The following NIPBL variants were observed in gnomAD, a reference collection of about 807,000 sequenced individuals.
NIPBL encodes the protein NIPBL cohesin loading factor, also known as nipped-B-like protein.
NIPBL carries 19 observed loss-of-function variants against 321.8 expected under a neutral mutation model. That is an observed-to-expected ratio of 0.06 (90% CI 0.04 to 0.09). The LOEUF is 0.09. Among genes scored for constraint, NIPBL ranks in the 10% least tolerant of loss-of-function variants. The pLI, the probability that NIPBL is intolerant of heterozygous loss-of-function variation, is 1.00. For synonymous variants in NIPBL, 1,106 were observed against 1,114.1 expected (o/e 0.99, Z 0.14); for missense variants, 2,210 against 3,327.0 (o/e 0.66, Z 8.26).
chr5:37,000,941 T>G (rs747555636), intron 13 of NIPBL, 48 bp from the exon 14 acceptor site: 2 of 1,583,456 alleles, frequency 1.3e-6, no homozygotes, highest in East Asian at 4.5e-5. Context: ...CAGCTTCACA[T>G]GTCTACTTGT....
chr5:36,945,257 A>G (rs1367402792), intron 1 of NIPBL, among the ~76,000 whole-genome samples: 1 of 152,144 alleles, frequency 6.6e-6, no homozygotes, highest in Non-Finnish European at 1.5e-5. Context: ...TGGTACAATT[A>G]AACTTTGCAT....
At chr5:36,963,800 T>TA (rs1274221212) in intron 6 of NIPBL, among the ~76,000 whole-genome samples, 1 of 152,000 alleles carries the variant, frequency 6.6e-6, no homozygotes, top group Non-Finnish European at 1.5e-5. Context: ...AGAAAAGAAA[T>TA]AGACACTTAG....
rs1380148955 is a variant in NIPBL, at chr5:37,065,152, A to C, written c.*260A>C. ...AAATTGTTTATATCTTGGAAAAAAA[A>C]CTTTCTGTTTAAAAAAAATAAACAA... On this transcript the variant is annotated 3_prime_UTR_variant, in exon 47 of 47. Coordinates refer to ENST00000282516, the MANE Select transcript of NIPBL (RefSeq NM_133433.4). 1 of 478,324 alleles carries C rather than the reference A, an allele frequency of 2.1e-6. No individual in the cohort carries two copies. Among genetic ancestry groups the C allele is most frequent in the African/African-American group, 2.0e-5 (1 of 50,864 alleles). The allele number at this position is 478,324 out of a possible 1,614,324, so 29.6% of individuals were successfully genotyped here.
At chr5:36,977,599 T>A (rs147180956) in intron 9 of NIPBL, among the ~76,000 whole-genome samples, 4 of 151,132 alleles carry the variant, frequency 2.6e-5, no homozygotes, top group African/African-American at 9.7e-5. Context: ...TTTTTTTCTT[T>A]GTCTTTTTTT....
At chr5:36,929,731 A>G (rs544476628) in intron 1 of NIPBL, among the ~76,000 whole-genome samples, 179 of 152,154 alleles carry the variant, frequency 1.2e-3, no homozygotes, top group Non-Finnish European at 2.3e-3. Flanking sequence ...TAGGTATTTG[A>G]TCCATTTGAA....
chr5:36,987,624 G>A (rs552209115), intron 10 of NIPBL, among the ~76,000 whole-genome samples: 4 of 152,188 alleles, frequency 2.6e-5, no homozygotes, highest in Admixed American at 2.6e-4. Flanking sequence ...CTTGGTCTTC[G>A]TCAACATTCA....
chr5:36,973,927 G>A (rs531093929), intron 8 of NIPBL, among the ~76,000 whole-genome samples: 20 of 152,240 alleles, frequency 1.3e-4, no homozygotes, highest in South Asian at 4.1e-4. Flanking sequence ...GAGAACCTGC[G>A]GTGTTTGGTT....
intron 43 of NIPBL, among the ~76,000 whole-genome samples, chr5:37,057,853 G>A (rs1223552453): frequency 1.3e-5 from 2 of 152,134 alleles, no homozygotes; most frequent in Non-Finnish European, 2.9e-5. Flanking sequence ...ACTTTTAGGA[G>A]GAATGTAATT....
Position 36,971,027 on chromosome 5 carries a change from A to G in NIPBL, c.762A>G (p.Leu254=). The stretch of plus-strand genomic sequence containing the variant: ...ACTACCTACACATGGTGCACAGGCT[A>G]AGTAGTGACGTATGTAATATATTAT... The part of the protein sequence containing the change: ...SEDYLHMVHR[L]SSDDGDSSTM... The change falls in exon 7 of 47, where the codon CTA becomes CTG. Residue 254 remains leucine, a synonymous_variant. Transcript: ENST00000282516. 1 of 1,611,924 alleles carries G rather than the reference A, an allele frequency of 6.2e-7. No individual in the cohort carries two copies. The highest frequency in any genetic ancestry group is 8.5e-7 in the Non-Finnish European group (1 of 1,178,068).
At chr5:37,012,733 A>T (rs760677933) in intron 21 of NIPBL, among the ~76,000 whole-genome samples, 8 of 152,148 alleles carry the variant, frequency 5.3e-5, no homozygotes, top group Non-Finnish European at 8.8e-5. Context: ...CCCTTAATTC[A>T]TTCAACCCTG....
chr5:37,026,927 G>A (rs1341714375), intron 31 of NIPBL, among the ~76,000 whole-genome samples: 7 of 148,618 alleles, frequency 4.7e-5, no homozygotes, highest in African/African-American at 7.4e-5. Flanking sequence ...AAAAAAAAAA[G>A]AAAAGAAAGA....
chr5:37,056,915 T>C (rs1256066234), intron 42 of NIPBL, among the ~76,000 whole-genome samples: 4 of 152,106 alleles, frequency 2.6e-5, no homozygotes, highest in Admixed American at 2.6e-4. Flanking sequence ...AAAATGGGCC[T>C]AAGATTATTT....
At chr5:36,992,427 AATAAC>A (rs1745630955) in intron 10 of NIPBL, among the ~76,000 whole-genome samples, 1 of 152,222 alleles carries the variant, frequency 6.6e-6, no homozygotes, top group African/African-American at 2.4e-5. Flanking sequence ...ATTCAGGGGA[AATAAC>A]ATAACCAATT....
intron 1 of NIPBL, among the ~76,000 whole-genome samples, chr5:36,950,304 C>T (rs751674616): frequency 3.9e-5 from 6 of 151,942 alleles, no homozygotes; most frequent in Non-Finnish European, 8.8e-5. Context: ...TCTGTTCTCC[C>T]GAATCTGTTT....
At chr5:37,022,446 A>G (rs1010002968) in intron 29 of NIPBL, 56 bp downstream of exon 29, 4 of 1,501,012 alleles carry the variant, frequency 2.7e-6, no homozygotes, top group African/African-American at 2.8e-5. Context: ...TTCAAGCATC[A>G]TGTTTTGTTT....
rs935617262 is a variant in NIPBL, at chr5:36,985,500, G to C, written c.2320G>C (p.Glu774Gln). ...GAGGGATTCTGGAAAGCCATCTACA[G>C]AGAAAAAACCTGAAGTGTCTAAACA... ...NRRDSGKPST[E>Q]KKPEVSKHKQ... is the part of the protein sequence containing the mutation. Residue 774 changes from glutamate (E) to glutamine (Q), a missense_variant, in exon 10 of 47, where the codon GAG becomes CAG. Physicochemically the swap from Glu to Gln is conservative, Grantham distance 29. Transcript: ENST00000282516. The C allele has an allele frequency of 1.9e-6, 3 of 1,613,628 alleles. No individual in the cohort carries two copies. In the South Asian group the frequency reaches 3.3e-5, roughly 18 times the overall value.
rs1015124778 is a variant in NIPBL, at chr5:36,975,632, A to G, written c.869-144A>G. On this transcript the variant is annotated intron_variant, in intron 8 of 46. Coordinates refer to ENST00000282516, the MANE Select transcript of NIPBL (RefSeq NM_133433.4). ...GGACAAGTTTTTAAGCTTTCTTTTC[A>G]TCTTTCGTAAATAAGTAGCTTGGAT... The G allele has an allele frequency of 9.9e-6, 8 of 809,186 alleles. No individual in the cohort carries two copies. In the African/African-American group the frequency reaches 1.4e-4, roughly 14 times the overall value. The allele number at this position is 809,186 out of a possible 1,614,324, so 50.1% of individuals were successfully genotyped here.
chr5:36,911,292 A>G (rs190763837), intron 1 of NIPBL, among the ~76,000 whole-genome samples: 137 of 152,242 alleles, frequency 9.0e-4, no homozygotes, highest in African/African-American at 3.2e-3. Context: ...TTACTAAGGG[A>G]ATGTGTTTTA....
intron 3 of NIPBL, 64 bp downstream of exon 3, chr5:36,955,701 T>C: frequency 1.5e-6 from 2 of 1,312,942 alleles, no homozygotes; most frequent in South Asian, 2.4e-5. Flanking sequence ...AGAGAATCCG[T>C]ATTCCTGGTT....
Sources: allele counts gnomAD v4.1 joint callset (sites outside exome capture counted in the v4.1 genomes callset), GRCh38; gene constraint gnomAD v4.1.1; transcripts MANE v1.5; gene names NCBI Gene and HGNC (gene_info 2026-07-23, HGNC 2026-07-21).